Variants in MCPH1 observed in about 807,000 individuals in gnomAD.
The protein encoded by MCPH1 is microcephalin.
A neutral mutation model predicts 84.5 loss-of-function variants in MCPH1; 104 were observed. The ratio of observed to expected loss-of-function variants is 1.23; its 90% CI spans 1.05 to 1.45. The LOEUF (loss-of-function observed/expected upper bound fraction) is 1.45, where lower values mean the gene tolerates loss of function less well. Among genes scored for constraint, MCPH1 ranks in the 40% most tolerant of loss-of-function variants. The probability of loss-of-function intolerance (pLI) is 0.00; values close to 1 mark genes in which losing one functional copy is unlikely to be tolerated. For missense variants in MCPH1, 1,498 were observed against 1,005.7 expected, an observed-to-expected ratio of 1.49 and a Z score of -6.62; for synonymous variants, 514 against 366.8, an observed-to-expected ratio of 1.40 and a Z score of -4.58.
intron 11 of MCPH1, among the ~76,000 whole-genome samples, chr8:6,482,498 C>A (rs1025117595): frequency 1.3e-5 from 2 of 152,200 alleles, no homozygotes; most frequent in Non-Finnish European, 2.9e-5. Flanking sequence ...CAATTCAAAT[C>A]GTCTCTGTGT....
chr8:6,419,284 G>C (rs533999661), intron 3 of MCPH1, among the ~76,000 whole-genome samples: 4 of 152,006 alleles, frequency 2.6e-5, no homozygotes, highest in Non-Finnish European at 4.4e-5. Context: ...CAATGACTCA[G>C]TTGCAGCTTA....
At chr8:6,628,886 G>C (rs1796957684) in intron 13 of MCPH1, among the ~76,000 whole-genome samples, 2 of 152,318 alleles carry the variant, frequency 1.3e-5, no homozygotes, top group South Asian at 4.1e-4. Flanking sequence ...TTCATGCTTT[G>C]GGTTATGACT....
Position 6,643,125 on chromosome 8 carries a change from CTG to C in MCPH1, c.*79_*80del. ...TTGGATGTTCAAATGAGAAACAAAA[CTG>C]TGAAGAGAAGGAACTGGCGTATACA... On this transcript the variant is annotated 3_prime_UTR_variant, in exon 14 of 14. Transcript: ENST00000344683. The C allele has an allele frequency of 2.3e-6, 3 of 1,293,024 alleles. No homozygotes were observed. In the South Asian group the frequency reaches 3.6e-5, roughly 16 times the overall value. 80.1% of individuals were successfully genotyped at this position (1,293,024 alleles called of 1,614,324 possible). A position where few individuals can be genotyped will look rare whatever the true frequency, so the allele number is the denominator to read the frequency against.
intron 12 of MCPH1, among the ~76,000 whole-genome samples, chr8:6,544,411 C>A (rs1415819089): frequency 6.6e-6 from 1 of 152,204 alleles, no homozygotes; most frequent in African/African-American, 2.4e-5. Context: ...GGGCAAATCA[C>A]TGAACTTGTA....
At chr8:6,464,545 G>C (rs1196202724) in intron 9 of MCPH1, among the ~76,000 whole-genome samples, 1 of 152,204 alleles carries the variant, frequency 6.6e-6, no homozygotes, top group Non-Finnish European at 1.5e-5. Flanking sequence ...ATGTGTTTTG[G>C]ACTGGACGTG....
chr8:6,570,696 A>C (rs1229289430), intron 12 of MCPH1, among the ~76,000 whole-genome samples: 1 of 152,056 alleles, frequency 6.6e-6, no homozygotes, highest in African/African-American at 2.4e-5. Flanking sequence ...GGTGCTTGGC[A>C]TTCTTATTTA....
intron 13 of MCPH1, among the ~76,000 whole-genome samples, chr8:6,623,012 T>TC (rs1198462352): frequency 1.0e-5 from 1 of 100,388 alleles, no homozygotes; most frequent in Non-Finnish European, 2.2e-5. Context: ...AGCTTTACTT[T>TC]CTTTTTTTTT....
chr8:6,439,799 C>T (rs1318506750), intron 6 of MCPH1, among the ~76,000 whole-genome samples: 1 of 152,112 alleles, frequency 6.6e-6, no homozygotes, highest in East Asian at 1.9e-4. Context: ...TTTTTAATTA[C>T]TGAAGTGTAA....
intron 12 of MCPH1, among the ~76,000 whole-genome samples, chr8:6,519,115 G>A (rs1816832510): frequency 6.6e-6 from 1 of 152,198 alleles, no homozygotes; most frequent in Non-Finnish European, 1.5e-5. Context: ...AGAAGAAAAT[G>A]AACACTGTCT....
At chr8:6,499,320 G>C (rs1324851581) in intron 11 of MCPH1, among the ~76,000 whole-genome samples, 1 of 152,054 alleles carries the variant, frequency 6.6e-6, no homozygotes, top group African/African-American at 2.4e-5. Context: ...ATGAAAGCTT[G>C]TTTATGGGAC....
intron 13 of MCPH1, among the ~76,000 whole-genome samples, chr8:6,639,754 T>C (rs1051096065): frequency 1.1e-4 from 16 of 152,132 alleles, no homozygotes; most frequent in African/African-American, 3.6e-4. Flanking sequence ...TATTGGAGAA[T>C]GACATGCTTT....
Position 6,621,190 on chromosome 8 carries a change from G to A in MCPH1, c.2215-264G>A, listed in dbSNP as rs570888847. ...TTTTCAATATTTTGTTTGAGGCTTT[G>A]GAATAATTCAAAGGCCTACACTTTT... On this transcript the variant is annotated intron_variant, in intron 12 of 13. Coordinates refer to ENST00000344683, the MANE Select transcript of MCPH1 (RefSeq NM_024596.5). 2.3e-5 allele frequency: 12 copies of A among 514,102 alleles called. 1 individual carries two copies. Among genetic ancestry groups the A allele is most frequent in the South Asian group, 2.3e-4 (11 of 47,648 alleles). The allele number at this position is 514,102 out of a possible 1,614,324, so 31.8% of individuals were successfully genotyped here.
chr8:6,538,745 A>G (rs1033308928), intron 12 of MCPH1, among the ~76,000 whole-genome samples: 4 of 152,202 alleles, frequency 2.6e-5, no homozygotes, highest in African/African-American at 9.7e-5. Context: ...TCCACAGACA[A>G]TAGGTTAATG....
At chr8:6,562,705 A>T in intron 12 of MCPH1, 5 of 1,612,896 alleles carry the variant, frequency 3.1e-6, no homozygotes, top group Non-Finnish European at 4.2e-6. Context: ...CAGCCTCTGC[A>T]CCGAGTCATC....
intron 3 of MCPH1, among the ~76,000 whole-genome samples, chr8:6,428,894 C>G (rs962022129): frequency 1.5e-5 from 2 of 132,512 alleles, no homozygotes; most frequent in Non-Finnish European, 3.3e-5. Context: ...TGCAGATAAG[C>G]TGTTCGGTGA....
chr8:6,631,269 A>G (rs1797138732), intron 13 of MCPH1, among the ~76,000 whole-genome samples: 1 of 152,252 alleles, frequency 6.6e-6, no homozygotes, highest in African/African-American at 2.4e-5. Context: ...GGCAAGAGAA[A>G]GAGGTGGGCA....
At chr8:6,450,520 T>C (rs1804973092) in intron 8 of MCPH1, among the ~76,000 whole-genome samples, 1 of 148,446 alleles carries the variant, frequency 6.7e-6, no homozygotes, top group Non-Finnish European at 1.5e-5. Flanking sequence ...TCATACTAGA[T>C]GGTTATGCTC....
At chr8:6,634,449 C>A (rs1001292277) in intron 13 of MCPH1, among the ~76,000 whole-genome samples, 2 of 152,144 alleles carry the variant, frequency 1.3e-5, no homozygotes, top group African/African-American at 4.8e-5. Context: ...CTACAGCTGA[C>A]GGGACAGCCC....
chr8:6,636,024 C>T (rs758085564), intron 13 of MCPH1, among the ~76,000 whole-genome samples: 38 of 152,354 alleles, frequency 2.5e-4, no homozygotes, highest in South Asian at 6.2e-4. Flanking sequence ...AAGGAAATGA[C>T]TGCTTGGTAG....
Sources: allele counts gnomAD v4.1 joint callset (sites outside exome capture counted in the v4.1 genomes callset), GRCh38; gene constraint gnomAD v4.1.1; transcripts MANE v1.5; gene names NCBI Gene and HGNC (gene_info 2026-07-23, HGNC 2026-07-21).